Variants in SPTBN4 observed in about 807,000 individuals in gnomAD.
SPTBN4 encodes spectrin beta, non-erythrocytic 4.
SPTBN4 carries 96 observed loss-of-function variants against 277.8 expected under a neutral mutation model. The observed-to-expected ratio is 0.35, with a 90% CI of 0.29 to 0.41. The LOEUF (loss-of-function observed/expected upper bound fraction) is 0.41. SPTBN4 is among the 10% of genes least tolerant of loss of function. SPTBN4 has a pLI of 1.00. For missense variants in SPTBN4, 3,006 were observed against 3,595.7 expected (o/e 0.84, Z 4.19); for synonymous variants, 1,481 against 1,580.3 (o/e 0.94, Z 1.49).
intron 31 of SPTBN4, among the ~76,000 whole-genome samples, chr19:40,569,301 T>A (rs1430313553): frequency 6.6e-6 from 1 of 151,902 alleles, no homozygotes; most frequent in Admixed American, 6.6e-5. Flanking sequence ...GGCGCACGCC[T>A]GTAGTACCAG....
chr19:40,533,929 A>T, intron 19 of SPTBN4, 151 bp from the exon 20 acceptor site: 1 of 969,094 alleles, frequency 1.0e-6, no homozygotes, highest in Non-Finnish European at 1.5e-6. Flanking sequence ...TCCACCCCTC[A>T]TGTCTCTCTC....
chr19:40,529,127 A>G lies in SPTBN4; in HGVS notation c.3944A>G (p.His1315Arg). 1 of 1,613,698 alleles carries G rather than the reference A, an allele frequency of 6.2e-7. No homozygotes were observed. Among genetic ancestry groups the G allele is most frequent in the Middle Eastern group, 1.7e-4 (1 of 6,056 alleles). The change falls in exon 18 of 36, where the codon CAC becomes CGC. Residue 1315 changes from histidine (H) to arginine (R), a missense_variant. This residue lies in a region of SPTBN4 where 1,759 missense variants were observed against 2,061.5 expected (regional missense o/e 0.85). Transcript: ENST00000598249. ...LELQHFLRDCHELDGWIHEKM... is the reference protein window; with the variant it reads ...LELQHFLRDCRELDGWIHEKM... ...CTGCAGCACTTCCTCCGAGACTGCC[A>G]CGAGGTAGGAACTCCAGGTGTGCTG...
intron 3 of SPTBN4, 120 bp downstream of exon 3, chr19:40,487,968 C>T (rs2080091998): frequency 8.5e-7 from 1 of 1,174,944 alleles, no homozygotes; most frequent in Non-Finnish European, 1.1e-6. Flanking sequence ...GTGGAACGTG[C>T]TGGAAGGGCC....
At chr19:40,509,159 C>T (rs1222161230) in intron 13 of SPTBN4, among the ~76,000 whole-genome samples, 1 of 148,474 alleles carries the variant, frequency 6.7e-6, no homozygotes. Context: ...TGGGCTCAAG[C>T]AATCCTCCCG....
intron 35 of SPTBN4, chr19:40,572,657 G>T: frequency 2.1e-6 from 1 of 472,278 alleles, no homozygotes; most frequent in Non-Finnish European, 3.8e-6. Flanking sequence ...GAGGGAGTTC[G>T]CTTTAAAAAG....
At chr19:40,525,429 T>C (rs1460586442) in intron 17 of SPTBN4, among the ~76,000 whole-genome samples, 1 of 149,820 alleles carries the variant, frequency 6.7e-6, no homozygotes, top group South Asian at 2.1e-4. Context: ...CTCAACCAAC[T>C]CTCCTGCCTC....
At chr19:40,499,585 T>TG (rs1487047478) in intron 7 of SPTBN4, among the ~76,000 whole-genome samples, 4 of 144,836 alleles carry the variant, frequency 2.8e-5, no homozygotes, top group African/African-American at 1.0e-4. Context: ...TTGGTAGAGG[T>TG]GGGGTCTCGC....
At chr19:40,484,775 A>T (rs150048726) in intron 2 of SPTBN4, among the ~76,000 whole-genome samples, 2,039 of 135,748 alleles carry the variant, frequency 0.015, 52 homozygotes, top group African/African-American at 0.047. Flanking sequence ...AAAAAAAATT[A>T]AAAAAAATTA....
chr19:40,518,043 C>T (rs779609238), intron 15 of SPTBN4, among the ~76,000 whole-genome samples: 1 of 152,166 alleles, frequency 6.6e-6, no homozygotes, highest in African/African-American at 2.4e-5. Flanking sequence ...TGGTGGCTCA[C>T]GCCTGTAATC....
chr19:40,491,250 G>T (rs2080132442), intron 4 of SPTBN4, among the ~76,000 whole-genome samples: 1 of 152,156 alleles, frequency 6.6e-6, no homozygotes, highest in African/African-American at 2.4e-5. Flanking sequence ...AGATAGAAAT[G>T]AGCTTGGCCT....
chr19:40,560,871 C>T lies in SPTBN4; in HGVS notation c.5915+468C>T. The T allele has an allele frequency of 5.1e-6, 2 of 391,702 alleles. No individual in the cohort carries two copies. The highest frequency in any genetic ancestry group is 7.4e-6 in the Non-Finnish European group (2 of 269,504). The allele number at this position is 391,702 out of a possible 1,614,324, so 24.3% of individuals were successfully genotyped here. On this transcript the variant is annotated intron_variant, in intron 27 of 35. Transcript: ENST00000598249. This position sits in a 1 kb window ranked among gnomAD's most constrained non-coding sequence, Gnocchi z 5.2. The stretch of plus-strand genomic sequence containing the variant: ...GAGCCAGGGTCCTTCCATCATGCCA[C>T]CCTGGGAGTCACATGCTGGACCCTC...
chr19:40,513,652 A>G, intron 14 of SPTBN4, 98 bp downstream of exon 14: 1 of 1,235,312 alleles, frequency 8.1e-7, no homozygotes, highest in South Asian at 1.6e-5. Flanking sequence ...AGCTGGAACT[A>G]GGAGTTCCAA....
At chr19:40,541,863 C>T (rs1261998502) in intron 20 of SPTBN4, among the ~76,000 whole-genome samples, 2 of 152,044 alleles carry the variant, frequency 1.3e-5, no homozygotes, top group East Asian at 3.9e-4. Context: ...CCCAGCCTCC[C>T]CAGTAGCTGG....
chr19:40,523,197 T>C lies in SPTBN4; in HGVS notation c.3655-240T>C, dbSNP rs1005241920. Among the ~76,000 whole-genome samples, 23 of 152,168 alleles carry C rather than the reference T, an allele frequency of 1.5e-4. No individual in the cohort carries two copies. In the East Asian group the frequency reaches 4.3e-3, roughly 28 times the overall value. The stretch of plus-strand genomic sequence containing the variant: ...GGGATAGGGCTGGGGTGGGAGTTGA[T>C]AAATTTGGCAGGTTGGTCAGAGACC... On this transcript the variant is annotated intron_variant, in intron 16 of 35. Transcript: ENST00000598249.
intron 18 of SPTBN4, among the ~76,000 whole-genome samples, chr19:40,529,440 C>T (rs1423584418): frequency 6.6e-6 from 1 of 152,202 alleles, no homozygotes; most frequent in Non-Finnish European, 1.5e-5. Flanking sequence ...TTGTGAGAAT[C>T]GCTCTACCCC....
At position 40,472,747 on chromosome 19, in the gene SPTBN4, A is replaced by G. The variant is rs777582272; in HGVS notation, c.126A>G (p.Ala42=). The change falls in exon 2 of 36, where the codon GCA becomes GCG. Residue 42 remains alanine (A), a synonymous_variant. Transcript: ENST00000598249. ...GGGAGCAGCCGGCTGCGTCCACCGC[A>G]GCGGCCTCGCTCTTTGAGTGCTCCC... The part of the protein sequence containing the change: ...WEREQPAAST[A]AASLFECSRI... 7 of 1,599,706 alleles carry G rather than the reference A, an allele frequency of 4.4e-6. No individual in the cohort carries two copies. The highest frequency in any genetic ancestry group is 3.4e-5 in the Admixed American group (2 of 58,378).
At chr19:40,483,988 G>T (rs915453878) in intron 2 of SPTBN4, among the ~76,000 whole-genome samples, 2 of 152,092 alleles carry the variant, frequency 1.3e-5, no homozygotes, top group Non-Finnish European at 2.9e-5. Context: ...GAGGTGGAAC[G>T]ATGGCTTGAG....
At chr19:40,482,804 A>G (rs2080027374) in intron 2 of SPTBN4, among the ~76,000 whole-genome samples, 1 of 151,856 alleles carries the variant, frequency 6.6e-6, no homozygotes, top group Admixed American at 6.6e-5. Flanking sequence ...TCTACAAAAT[A>G]TACAAAATTA....
intron 17 of SPTBN4, among the ~76,000 whole-genome samples, chr19:40,524,245 C>G (rs755892766): frequency 1.3e-5 from 2 of 151,894 alleles, no homozygotes; most frequent in Non-Finnish European, 2.9e-5. Context: ...TGACTCATGC[C>G]TGTAATCCCA....
Sources: allele counts gnomAD v4.1 joint callset (sites outside exome capture counted in the v4.1 genomes callset), GRCh38; gene constraint gnomAD v4.1.1; regional missense constraint gnomAD v4.1.1; non-coding constraint Gnocchi (gnomAD v3.1); transcripts MANE v1.5; gene names NCBI Gene and HGNC (gene_info 2026-07-23, HGNC 2026-07-21).